Variants in CDC7 observed in about 807,000 individuals in gnomAD.
The protein encoded by CDC7 is cell division cycle 7-related protein kinase.
In CDC7, 34 loss-of-function variants were observed where a neutral mutation model predicts 53.5. That is an observed-to-expected ratio of 0.64 (90% CI 0.48 to 0.85). The LOEUF is 0.85. Among genes scored for constraint, CDC7 ranks in the 40% least tolerant of loss-of-function variants. CDC7 has a pLI of 0.00. For synonymous variants in CDC7, 211 were observed against 222.8 expected (o/e 0.95, Z 0.47); for missense variants, 594 against 679.7 (o/e 0.87, Z 1.40).
intron 4 of CDC7, 148 bp downstream of exon 4, chr1:91,508,545 C>A: frequency 1.7e-6 from 1 of 580,770 alleles, no homozygotes; most frequent in Non-Finnish European, 2.9e-6. Flanking sequence ...TCCTTCTAAC[C>A]TTGCAATAGT....
At chr1:91,507,061 C>A (rs1008014817) in intron 2 of CDC7, among the ~76,000 whole-genome samples, 1 of 152,188 alleles carries the variant, frequency 6.6e-6, no homozygotes, top group Non-Finnish European at 1.5e-5. Flanking sequence ...TCAGGATAAT[C>A]ATTCCTGCTC....
At chr1:91,505,623 T>C (rs1320533477) in intron 2 of CDC7, among the ~76,000 whole-genome samples, 3 of 152,210 alleles carry the variant, frequency 2.0e-5, no homozygotes, top group Admixed American at 6.5e-5. Flanking sequence ...GGGATCCTCC[T>C]CCAGTCCTCA....
intron 2 of CDC7, 98 bp from the exon 3 acceptor site, chr1:91,507,756 C>A: frequency 1.3e-6 from 1 of 789,958 alleles, no homozygotes; most frequent in Non-Finnish European, 2.0e-6. Context: ...ATTAATTACT[C>A]ATATTTTATA....
At position 91,501,799 on chromosome 1, in the gene CDC7, T is replaced by TA. The variant is rs762194001; in HGVS notation, c.92dup (p.Asn31LysfsTer6). ...GACCGGTTTCAGGCTGAAGGCTCTT[T>TA]AAAAAAAAACGAGCAGAATTTTAAA... On this transcript the variant is annotated frameshift_variant, in exon 2 of 12. Coordinates refer to ENST00000234626, the MANE Select transcript of CDC7 (RefSeq NM_003503.4). LOFTEE classifies it high-confidence loss of function. 598 of 1,569,820 alleles carry TA rather than the reference T, an allele frequency of 3.8e-4. No homozygotes were observed. Among genetic ancestry groups the TA allele is most frequent in the Non-Finnish European group, 4.4e-4 (507 of 1,144,988 alleles).
At chr1:91,514,205 C>T (rs180687089) in intron 8 of CDC7, among the ~76,000 whole-genome samples, 162 bp downstream of exon 8, 19 of 152,194 alleles carry the variant, frequency 1.2e-4, no homozygotes, top group African/African-American at 4.1e-4. Flanking sequence ...AACTTGTTTT[C>T]TCCAGTTTTT....
intron 11 of CDC7, 31 bp from the exon 12 acceptor site, chr1:91,524,010 C>G (rs769221600): frequency 2.0e-6 from 3 of 1,523,916 alleles, no homozygotes; most frequent in Non-Finnish European, 2.7e-6. Flanking sequence ...ATGTTTTTTT[C>G]TGTTTTTGTT....
At chr1:91,521,347 A>G (rs1667935917) in intron 11 of CDC7, among the ~76,000 whole-genome samples, 1 of 152,228 alleles carries the variant, frequency 6.6e-6, no homozygotes, top group Admixed American at 6.5e-5. Flanking sequence ...AACCACTGCA[A>G]AAATTACTGC....
intron 3 of CDC7, 78 bp from the exon 4 acceptor site, chr1:91,508,184 T>A: frequency 1.7e-6 from 2 of 1,196,232 alleles, no homozygotes; most frequent in Non-Finnish European, 2.3e-6. Context: ...TGAAACAGTT[T>A]TTACAATCTA....
chr1:91,516,557 G>A (rs184102437), intron 10 of CDC7, among the ~76,000 whole-genome samples: 1 of 152,230 alleles, frequency 6.6e-6, no homozygotes, highest in Admixed American at 6.5e-5. Context: ...TCACACTCTA[G>A]TCAGGACACC....
chr1:91,503,543 G>A (rs1666819326), intron 2 of CDC7, among the ~76,000 whole-genome samples: 1 of 152,172 alleles, frequency 6.6e-6, no homozygotes, highest in East Asian at 1.9e-4. Context: ...ACAGTGTCCA[G>A]CACATAGTAG....
chr1:91,515,957 T>A, intron 10 of CDC7, 81 bp downstream of exon 10: 1 of 1,162,096 alleles, frequency 8.6e-7, no homozygotes. Context: ...TGTCTATTTA[T>A]AACTAATATT....
At chr1:91,513,776 C>G (rs920737846) in intron 7 of CDC7, among the ~76,000 whole-genome samples, 172 bp from the exon 8 acceptor site, 1 of 152,114 alleles carries the variant, frequency 6.6e-6, no homozygotes, top group Non-Finnish European at 1.5e-5. Context: ...GTGTTGAGTT[C>G]TGTCTAGACT....
chr1:91,522,157 C>CT (rs938670640), intron 11 of CDC7, among the ~76,000 whole-genome samples: 1 of 152,096 alleles, frequency 6.6e-6, no homozygotes, highest in Non-Finnish European at 1.5e-5. Context: ...GAGCAAGACT[C>CT]TGTCTCAAAA....
intron 2 of CDC7, among the ~76,000 whole-genome samples, chr1:91,502,323 A>C (rs1266918960): frequency 6.6e-6 from 1 of 152,250 alleles, no homozygotes; most frequent in African/African-American, 2.4e-5. Context: ...GACAGGGTCA[A>C]GCAGTGCCTG....
At chr1:91,522,014 AATT>A (rs13447547) in intron 11 of CDC7, among the ~76,000 whole-genome samples, 6,695 of 151,996 alleles carry the variant, frequency 0.044, 359 homozygotes, top group East Asian at 0.16. Context: ...AAAACACAAA[AATT>A]AGTTGGGCAT....
In CDC7 at chr1:91,505,132, A is replaced by G. The variant is rs1666915109; in HGVS notation, c.116-2722A>G. ...GGTGGTGAAGGAGTGACCTGTGCAG[A>G]TATTTGGGGAAGAGCATTCCAAACA... On this transcript the variant is annotated intron_variant, in intron 2 of 11. Coordinates refer to ENST00000234626, the MANE Select transcript of CDC7 (RefSeq NM_003503.4). Among the ~76,000 whole-genome samples the G allele has an allele frequency of 2.6e-5, 4 of 152,128 alleles. No homozygotes were observed. The South Asian group carries it at 6.2e-4, about 24-fold the overall frequency.
chr1:91,524,749 T>G lies in CDC7; in HGVS notation c.*314T>G, dbSNP rs1223032062. Reference sequence around the variant, plus strand: ...TACAGAAAAAGGAGCAGTTTTAGTTTTAATTAATTAAAATTAACAGATGTG... The same window carrying G: ...TACAGAAAAAGGAGCAGTTTTAGTTGTAATTAATTAAAATTAACAGATGTG... On this transcript the variant is annotated 3_prime_UTR_variant, in exon 12 of 12. Coordinates refer to ENST00000234626, the MANE Select transcript of CDC7 (RefSeq NM_003503.4). 9.2e-6 allele frequency: 2 copies of G among 217,718 alleles called. No homozygotes were observed. Among genetic ancestry groups the G allele is most frequent in the East Asian group, 2.0e-4 (2 of 9,850 alleles). The allele number at this position is 217,718 out of a possible 1,614,324, so 13.5% of individuals were successfully genotyped here. A position where few individuals can be genotyped will look rare whatever the true frequency, so the allele number is the denominator to read the frequency against.
chr1:91,509,037 C>T (rs1041630519), intron 4 of CDC7, among the ~76,000 whole-genome samples: 4 of 152,110 alleles, frequency 2.6e-5, no homozygotes, highest in Admixed American at 6.6e-5. Flanking sequence ...ACACAATTGA[C>T]GTGAACCCTT....
At chr1:91,509,475 A>G (rs1041072309) in intron 4 of CDC7, among the ~76,000 whole-genome samples, 1 of 151,512 alleles carries the variant, frequency 6.6e-6, no homozygotes, top group Non-Finnish European at 1.5e-5. Flanking sequence ...AATCATCCTC[A>G]TTTTCTCTAT....
Sources: allele counts gnomAD v4.1 joint callset (sites outside exome capture counted in the v4.1 genomes callset), GRCh38; gene constraint gnomAD v4.1.1; transcripts MANE v1.5; gene names NCBI Gene and HGNC (gene_info 2026-07-23, HGNC 2026-07-21).